INTS9: variants seen among roughly 807,000 people sequenced by gnomAD.
INTS9 encodes integrator complex subunit 9, also known as protein related to CPSF subunits of 74 kDa.
INTS9 carries 55 observed loss-of-function variants against 79.7 expected under a neutral mutation model. The observed-to-expected ratio is 0.69, with a 90% CI of 0.56 to 0.86. The LOEUF is 0.86. Among genes scored for constraint, INTS9 ranks in the 40% least tolerant of loss-of-function variants. INTS9 has a pLI of 0.00. For synonymous variants in INTS9, 319 were observed against 325.2 expected (o/e 0.98, Z 0.20); for missense variants, 721 against 831.5 (o/e 0.87, Z 1.64).
intron 1 of INTS9, among the ~76,000 whole-genome samples, chr8:28,881,730 G>C (rs1253148458): frequency 1.3e-5 from 2 of 148,914 alleles, no homozygotes; most frequent in Non-Finnish European, 3.0e-5. Context: ...CTTCCGGCCG[G>C]CCGCCCCGTC....
At chr8:28,823,890 T>C (rs1805996889) in intron 6 of INTS9, among the ~76,000 whole-genome samples, 1 of 152,200 alleles carries the variant, frequency 6.6e-6, no homozygotes, top group Non-Finnish European at 1.5e-5. Context: ...GTAGCACATA[T>C]GTCAAATCGT....
At chr8:28,835,949 C>T (rs187791759) in intron 5 of INTS9, among the ~76,000 whole-genome samples, 42 of 152,134 alleles carry the variant, frequency 2.8e-4, no homozygotes, top group African/African-American at 9.9e-4. Flanking sequence ...GCTGGGATTA[C>T]AGGCACACAC....
chr8:28,866,891 T>C (rs1808781264), intron 1 of INTS9, among the ~76,000 whole-genome samples: 1 of 151,698 alleles, frequency 6.6e-6, no homozygotes. Flanking sequence ...AGGAGACTGG[T>C]GTGAACCCGG....
Position 28,859,642 on chromosome 8 carries a change from A to C in INTS9, c.10-79T>G, listed in dbSNP as rs752628844. ...AAGTAAAGTGAATTAAATAACTCTG[A>C]CGATCTTCTCTCATAAGACCAGCGT... On this transcript the variant is annotated intron_variant, in intron 1 of 16. Transcript: ENST00000521022. 3.7e-4 allele frequency: 546 copies of C among 1,470,040 alleles called. 1 individual carries two copies. Among genetic ancestry groups the C allele is most frequent in the Non-Finnish European group, 5.0e-4 (529 of 1,057,258 alleles). The allele number at this position is 1,470,040 out of a possible 1,614,324, so 91.1% of individuals were successfully genotyped here.
intron 14 of INTS9, among the ~76,000 whole-genome samples, chr8:28,773,243 C>G (rs572270682): frequency 1.3e-5 from 2 of 152,244 alleles, no homozygotes; most frequent in Admixed American, 1.3e-4. Context: ...GCGGGTGGAT[C>G]ACAAGGTCAG....
intron 15 of INTS9, 40 bp from the exon 16 acceptor site, chr8:28,770,066 T>C (rs754078912): frequency 1.9e-6 from 3 of 1,604,992 alleles, no homozygotes; most frequent in East Asian, 4.5e-5. Flanking sequence ...GAGCTTCCTC[T>C]GAGCAGCAGG....
At chr8:28,814,960 T>G (rs1805383816) in intron 6 of INTS9, among the ~76,000 whole-genome samples, 1 of 152,222 alleles carries the variant, frequency 6.6e-6, no homozygotes, top group Non-Finnish European at 1.5e-5. Context: ...CACATAGACT[T>G]TCTAATTAGT....
At chr8:28,856,108 A>C (rs1477550692) in intron 2 of INTS9, among the ~76,000 whole-genome samples, 1 of 152,226 alleles carries the variant, frequency 6.6e-6, no homozygotes, top group Non-Finnish European at 1.5e-5. Flanking sequence ...AGAATTGATG[A>C]AACTGGTGAG....
intron 4 of INTS9, among the ~76,000 whole-genome samples, chr8:28,843,145 G>A (rs950404607): frequency 1.3e-5 from 2 of 152,168 alleles, no homozygotes; most frequent in East Asian, 1.9e-4. Flanking sequence ...GGTTCTCACC[G>A]TCCAGGTCTT....
chr8:28,789,966 C>A (rs1226165030), intron 10 of INTS9, among the ~76,000 whole-genome samples: 1 of 152,204 alleles, frequency 6.6e-6, no homozygotes, highest in Non-Finnish European at 1.5e-5. Context: ...GCTATTCCCT[C>A]CCATCTCCAT....
rs774409303 is a variant in INTS9, at chr8:28,835,390, C to T, written c.402-12G>A. 1 of 1,606,350 alleles carries T rather than the reference C, an allele frequency of 6.2e-7. No individual in the cohort carries two copies. Among genetic ancestry groups the T allele is most frequent in the Non-Finnish European group, 8.5e-7 (1 of 1,173,582 alleles). On this transcript the variant is annotated splice_polypyrimidine_tract_variant and intron_variant, in intron 5 of 16. Transcript: ENST00000521022. ...CTTCCATGAGAAGCCTGAGTTTAAACAAAACAAGTGAGGAACACCCATTAA... is the reference window on the plus strand; with the variant it reads ...CTTCCATGAGAAGCCTGAGTTTAAATAAAACAAGTGAGGAACACCCATTAA...
chr8:28,769,073 GT>G (rs1329840349), intron 16 of INTS9, among the ~76,000 whole-genome samples: 1 of 152,174 alleles, frequency 6.6e-6, no homozygotes, highest in East Asian at 1.9e-4. Context: ...TTCAGGGAGG[GT>G]GGAAGAGAGC....
Position 28,869,517 on chromosome 8 carries a change from C to T in INTS9, c.10-9954G>A, listed in dbSNP as rs1174178718. ...GGTTCCCAGAGGGGCTGGGAGCATC[C>T]CTACCTTATATTACTCCATTCTGAG... On this transcript the variant is annotated intron_variant, in intron 1 of 16. Transcript: ENST00000521022. Among the ~76,000 whole-genome samples the T allele has an allele frequency of 2.0e-5, 3 of 152,212 alleles. 1 individual carries two copies.
At chr8:28,874,373 T>G (rs1272940059) in intron 1 of INTS9, among the ~76,000 whole-genome samples, 1 of 151,612 alleles carries the variant, frequency 6.6e-6, no homozygotes, top group East Asian at 1.9e-4. Flanking sequence ...CACTGCAAGC[T>G]CCTCTTCCCA....
chr8:28,886,109 A>C (rs1449891944), intron 1 of INTS9, among the ~76,000 whole-genome samples: 1 of 152,218 alleles, frequency 6.6e-6, no homozygotes, highest in Non-Finnish European at 1.5e-5. Flanking sequence ...AAATGGTATC[A>C]CAGGAGCTAA....
Position 28,780,664 on chromosome 8 carries a change from C to A in INTS9, c.1270+159G>T, listed in dbSNP as rs139506555. On this transcript the variant is annotated intron_variant, in intron 12 of 16. Transcript: ENST00000521022. ...GTCCAATGGCACACACTGCTTCACT[C>A]TTTCTCTGCGGTTTCTTCATTCTTT... 2.0e-3 allele frequency: 1,936 copies of A among 985,454 alleles called. 37 individuals carry two copies. In the African/African-American group the frequency reaches 0.031, roughly 16 times the overall value. The allele number at this position is 985,454 out of a possible 1,614,324, so 61.0% of individuals were successfully genotyped here.
At chr8:28,806,514 G>A (rs1804823926) in intron 8 of INTS9, among the ~76,000 whole-genome samples, 1 of 152,092 alleles carries the variant, frequency 6.6e-6, no homozygotes, top group South Asian at 2.1e-4. Flanking sequence ...TATAAGACTT[G>A]AATAATGCAA....
At chr8:28,813,113 G>GTAGC (rs1382841311) in intron 7 of INTS9, among the ~76,000 whole-genome samples, 8 of 152,156 alleles carry the variant, frequency 5.3e-5, no homozygotes. Context: ...TCGGTACTGA[G>GTAGC]TAGCTCTGGG....
chr8:28,887,209 G>A (rs1018180908), intron 1 of INTS9, among the ~76,000 whole-genome samples: 1 of 152,200 alleles, frequency 6.6e-6, no homozygotes, highest in Non-Finnish European at 1.5e-5. Context: ...GGCAGGCAAT[G>A]GAACATATTC....
Sources: allele counts gnomAD v4.1 joint callset (sites outside exome capture counted in the v4.1 genomes callset), GRCh38; gene constraint gnomAD v4.1.1; transcripts MANE v1.5; gene names NCBI Gene and HGNC (gene_info 2026-07-23, HGNC 2026-07-21).